The following SLC22A15 variants were observed in gnomAD, a reference collection of about 807,000 sequenced individuals.
SLC22A15 encodes the protein flipt 1.
SLC22A15 carries 45 observed loss-of-function variants against 62.7 expected under a neutral mutation model. The ratio of observed to expected loss-of-function variants is 0.72; its 90% CI spans 0.56 to 0.92. The LOEUF is 0.92. Ranked by LOEUF, SLC22A15 falls within the 40% of genes least tolerant of loss-of-function variation. The pLI, the probability that SLC22A15 is intolerant of heterozygous loss-of-function variation, is 0.00. For missense variants in SLC22A15, 622 were observed against 665.6 expected (o/e 0.93, Z 0.72); for synonymous variants, 264 against 267.0 (o/e 0.99, Z 0.11).
chr1:116,045,622 C>G (rs1484720132), intron 8 of SLC22A15, among the ~76,000 whole-genome samples: 1 of 150,492 alleles, frequency 6.6e-6, no homozygotes, highest in African/African-American at 2.4e-5. Flanking sequence ...CTCTGTAATC[C>G]CAGCTACTCC....
intron 2 of SLC22A15, chr1:116,014,977 G>T (rs1211113370): frequency 1.3e-5 from 2 of 151,894 alleles, no homozygotes; most frequent in Non-Finnish European, 2.9e-5. Context: ...AATACTATAG[G>T]GATCAATATC....
At chr1:116,003,721 A>C (rs944292807) in intron 2 of SLC22A15, among the ~76,000 whole-genome samples, 2 of 152,120 alleles carry the variant, frequency 1.3e-5, no homozygotes, top group African/African-American at 2.4e-5. Flanking sequence ...AGTGTCAGCA[A>C]TTCAAGACTG....
intron 8 of SLC22A15, among the ~76,000 whole-genome samples, chr1:116,046,529 T>G (rs1254086781): frequency 6.6e-6 from 1 of 152,130 alleles, no homozygotes; most frequent in Non-Finnish European, 1.5e-5. Flanking sequence ...AATATCAGGA[T>G]CATCATGGCG....
intron 10 of SLC22A15, among the ~76,000 whole-genome samples, chr1:116,064,804 C>G (rs1232958372): frequency 1.3e-5 from 2 of 152,082 alleles, no homozygotes; most frequent in Non-Finnish European, 2.9e-5. Context: ...ATGTATGACA[C>G]TTCTGCTGTG....
chr1:115,993,425 G>GAC (rs1655249167), intron 2 of SLC22A15, among the ~76,000 whole-genome samples: 1 of 130,980 alleles, frequency 7.6e-6, no homozygotes, highest in African/African-American at 3.9e-5. Flanking sequence ...GTGAGTGTGT[G>GAC]AGAGTGTGTG....
At chr1:115,980,428 C>T (rs1402181991) in intron 1 of SLC22A15, among the ~76,000 whole-genome samples, 1 of 151,954 alleles carries the variant, frequency 6.6e-6, no homozygotes, top group Non-Finnish European at 1.5e-5. Context: ...AAGTTAGAAC[C>T]ACCTGACTTT....
chr1:116,021,213 A>T (rs930545006), intron 4 of SLC22A15, among the ~76,000 whole-genome samples: 2 of 152,236 alleles, frequency 1.3e-5, no homozygotes, highest in African/African-American at 4.8e-5. Flanking sequence ...TAGTGCAGAC[A>T]TAGGAAATAT....
chr1:116,003,371 T>A (rs1655828911), intron 2 of SLC22A15, among the ~76,000 whole-genome samples: 4 of 152,192 alleles, frequency 2.6e-5, no homozygotes, highest in Admixed American at 1.3e-4. Flanking sequence ...CCAAGTCCAC[T>A]GACTCTGAGC....
chr1:116,037,340 C>A lies in SLC22A15; in HGVS notation c.1123C>A (p.Leu375Ile), dbSNP rs747678866. 1 of 1,613,330 alleles carries A rather than the reference C, an allele frequency of 6.2e-7. No individual in the cohort carries two copies. Among genetic ancestry groups the A allele is most frequent in the Admixed American group, 1.7e-5 (1 of 60,004 alleles). The change falls in exon 8 of 12, where the codon CTA becomes ATA. Residue 375 changes from leucine (L) to isoleucine (I), a missense_variant. Coordinates refer to ENST00000369503, the MANE Select transcript of SLC22A15 (RefSeq NM_018420.3). ...RKRTLSAFLC[L>I]GGLACLIVMF... is the part of the protein sequence containing the mutation. ...GCGAACATTATCAGCATTTCTGTGC[C>A]TAGGAGGACTGGCTTGTCTTATTGT...
intron 2 of SLC22A15, among the ~76,000 whole-genome samples, chr1:116,007,290 G>A (rs974996678): frequency 3.9e-5 from 6 of 152,152 alleles, no homozygotes; most frequent in East Asian, 1.9e-4. Context: ...CTGCCACCCC[G>A]TGGCACCTCC....
chr1:116,054,026 A>T (rs1273948349), intron 8 of SLC22A15, among the ~76,000 whole-genome samples: 1 of 152,152 alleles, frequency 6.6e-6, no homozygotes, highest in Non-Finnish European at 1.5e-5. Context: ...CTAACATCAT[A>T]ATGACAGGAT....
chr1:116,020,833 G>A lies in SLC22A15; in HGVS notation c.546G>A (p.Val182=). 1 of 1,613,688 alleles carries A rather than the reference G, an allele frequency of 6.2e-7. No individual in the cohort carries two copies. Among genetic ancestry groups the A allele is most frequent in the Non-Finnish European group, 8.5e-7 (1 of 1,179,734 alleles). Residue 182 remains valine, a synonymous_variant, in exon 4 of 12, where the codon GTG becomes GTA. Transcript: ENST00000369503. ...TGATGAATGGAGGGATGTCGCTGGTGGCCTTTGTCTTGCTTAATGAATGTG... is the reference window on the plus strand; with the variant it reads ...TGATGAATGGAGGGATGTCGCTGGTAGCCTTTGTCTTGCTTAATGAATGTG... ...VGMMNGGMSL[V]AFVLLNECVG...
At chr1:116,052,095 G>A (rs1489154853) in intron 8 of SLC22A15, among the ~76,000 whole-genome samples, 2 of 152,224 alleles carry the variant, frequency 1.3e-5, no homozygotes, top group South Asian at 2.1e-4. Context: ...CCGAAGCATG[G>A]CTAGGCATTG....
chr1:116,011,593 T>C (rs1361992768), intron 2 of SLC22A15, among the ~76,000 whole-genome samples: 1 of 152,170 alleles, frequency 6.6e-6, no homozygotes. Flanking sequence ...GCATGGGGGA[T>C]ACAAATATGC....
intron 1 of SLC22A15, among the ~76,000 whole-genome samples, chr1:115,990,489 A>C (rs766511046): frequency 1.3e-5 from 2 of 152,200 alleles, no homozygotes; most frequent in African/African-American, 2.4e-5. Context: ...TGTGTAATCT[A>C]TCTGTTCTTA....
intron 8 of SLC22A15, among the ~76,000 whole-genome samples, chr1:116,042,923 A>T (rs1330488412): frequency 6.6e-6 from 1 of 152,312 alleles, no homozygotes; most frequent in East Asian, 1.9e-4. Context: ...CTAGGCCATA[A>T]AACAAGTTTC....
chr1:116,054,571 A>T (rs1262451971), intron 8 of SLC22A15, among the ~76,000 whole-genome samples: 2 of 152,210 alleles, frequency 1.3e-5, no homozygotes, highest in East Asian at 3.8e-4. Flanking sequence ...AGACATCTAC[A>T]GAACTCTCCA....
intron 1 of SLC22A15, among the ~76,000 whole-genome samples, chr1:115,990,696 GT>G (rs1442610654): frequency 3.3e-5 from 5 of 152,168 alleles, no homozygotes; most frequent in South Asian, 4.1e-4. Flanking sequence ...TGGACTCAAA[GT>G]AGATTGAGAA....
At chr1:116,014,242 C>T (rs1656416714) in intron 2 of SLC22A15, among the ~76,000 whole-genome samples, 1 of 152,170 alleles carries the variant, frequency 6.6e-6, no homozygotes. Context: ...GCTCTGTGCT[C>T]ACACCTGTAT....
Sources: allele counts gnomAD v4.1 joint callset (sites outside exome capture counted in the v4.1 genomes callset), GRCh38; gene constraint gnomAD v4.1.1; transcripts MANE v1.5; gene names NCBI Gene and HGNC (gene_info 2026-07-23, HGNC 2026-07-21).